CCDC77: variants seen among roughly 807,000 people sequenced by gnomAD.
The protein encoded by CCDC77 is coiled-coil domain-containing protein 77.
CCDC77 carries 56 observed loss-of-function variants against 66.8 expected under a neutral mutation model. The observed-to-expected ratio is 0.84, with a 90% CI of 0.68 to 1.05. CCDC77 has a LOEUF of 1.05. CCDC77 is among the 50% of genes least tolerant of loss of function. The pLI is 0.00. For missense variants in CCDC77, 570 were observed against 576.8 expected, an observed-to-expected ratio of 0.99 and a Z score of 0.12; for synonymous variants, 196 against 195.2, an observed-to-expected ratio of 1.00 and a Z score of -0.03.
intron 10 of CCDC77, among the ~76,000 whole-genome samples, chr12:439,231 T>C (rs1219974179): frequency 6.6e-6 from 1 of 151,970 alleles, no homozygotes; most frequent in Non-Finnish European, 1.5e-5. Context: ...AAGAAAATTA[T>C]AGATTAGGCC....
chr12:415,526 A>AATTATTAACATAATAATATGTTGAT (rs1215289127), intron 4 of CCDC77, among the ~76,000 whole-genome samples: 1 of 147,680 alleles, frequency 6.8e-6, no homozygotes, highest in African/African-American at 2.5e-5. Flanking sequence ...ATATTAACAT[A>AATTATTAACATAATAATATGTTGAT]ATTATTAACA....
At chr12:394,028 G>A (rs1292043508) in intron 1 of CCDC77, among the ~76,000 whole-genome samples, 1 of 152,170 alleles carries the variant, frequency 6.6e-6, no homozygotes, top group East Asian at 1.9e-4. Flanking sequence ...AACTCATGAT[G>A]ACAGAAACAA....
intron 3 of CCDC77, among the ~76,000 whole-genome samples, chr12:411,196 A>G (rs1945101991): frequency 2.0e-5 from 3 of 149,580 alleles, no homozygotes; most frequent in African/African-American, 7.4e-5. Context: ...TTTTTTTGAG[A>G]TAGAGTCTCG....
chr12:423,094 CTT>C (rs796102854), intron 5 of CCDC77, among the ~76,000 whole-genome samples: 2 of 89,260 alleles, frequency 2.2e-5, no homozygotes, highest in Admixed American at 1.1e-4. Context: ...CTGTTATTTT[CTT>C]TTTTTTTTCT....
chr12:411,625 C>T (rs147207506), intron 3 of CCDC77, 122 bp from the exon 4 acceptor site: 43 of 837,620 alleles, frequency 5.1e-5, no homozygotes, highest in African/African-American at 4.9e-4. Context: ...TCCAAACTTC[C>T]AAATTTATGA....
intron 1 of CCDC77, among the ~76,000 whole-genome samples, chr12:390,736 AACACACACAC>A (rs58938735): frequency 6.7e-6 from 1 of 149,350 alleles, no homozygotes; most frequent in Non-Finnish European, 1.5e-5. Flanking sequence ...TATCTTTATA[AACACACACAC>A]ACACACACAC....
upstream of CCDC77, among the ~76,000 whole-genome samples, chr12:400,137 C>T (rs950047905): frequency 6.6e-6 from 1 of 152,234 alleles, no homozygotes; most frequent in African/African-American, 2.4e-5. Context: ...CACGAACCAG[C>T]CTCCGCTATC....
Position 405,574 on chromosome 12 carries a change from G to A in CCDC77, c.-17+10G>A, listed in dbSNP as rs994339578. 6.6e-6 allele frequency: 1 copy of A among 152,168 alleles called. No homozygotes were observed. Among genetic ancestry groups the A allele is most frequent in the Non-Finnish European group, 1.5e-5 (1 of 68,034 alleles). 9.4% of individuals were successfully genotyped at this position (152,168 alleles called of 1,614,324 possible). A position where few individuals can be genotyped will look rare whatever the true frequency, so the allele number is the denominator to read the frequency against. ...CGTATTTTGGAAGGAGGTGAGTTTG[G>A]AGGAGGAGAGTAGTCTTTTAAAGGA... On this transcript the variant is annotated intron_variant, in intron 2 of 12. Transcript: ENST00000239830.
At chr12:431,798 C>A in intron 7 of CCDC77, 68 bp from the exon 8 acceptor site, 1 of 991,844 alleles carries the variant, frequency 1.0e-6, no homozygotes, top group South Asian at 1.4e-5. Context: ...GTGGGAAATA[C>A]TGATATTTCA....
At chr12:404,592 G>A (rs1283070768) in intron 1 of CCDC77, among the ~76,000 whole-genome samples, 1 of 152,140 alleles carries the variant, frequency 6.6e-6, no homozygotes, top group Non-Finnish European at 1.5e-5. Flanking sequence ...ACATAGCAAG[G>A]CCCCGTCTTG....
chr12:393,102 A>T (rs1195268830), intron 1 of CCDC77, among the ~76,000 whole-genome samples: 2 of 152,082 alleles, frequency 1.3e-5, no homozygotes, highest in African/African-American at 2.4e-5. Flanking sequence ...GGAAAGGAAG[A>T]GCATTTTATT....
chr12:390,790 C>G (rs1333137924), intron 1 of CCDC77, among the ~76,000 whole-genome samples: 1 of 150,884 alleles, frequency 6.6e-6, no homozygotes, highest in East Asian at 1.9e-4. Flanking sequence ...TCTGGAGAAC[C>G]GTGAATACAT....
intron 1 of CCDC77, among the ~76,000 whole-genome samples, chr12:391,962 C>T (rs540034243): frequency 6.6e-6 from 1 of 152,306 alleles, no homozygotes; most frequent in South Asian, 2.1e-4. Context: ...GGCACATGAA[C>T]CCCACTCCCA....
upstream of CCDC77, among the ~76,000 whole-genome samples, chr12:400,291 A>G (rs888952324): frequency 2.6e-5 from 4 of 152,322 alleles, no homozygotes; most frequent in Non-Finnish European, 5.9e-5. Context: ...AACTTTCTCT[A>G]TATCAGCAAT....
intron 4 of CCDC77, among the ~76,000 whole-genome samples, chr12:416,336 T>G (rs112344250): frequency 4.7e-5 from 2 of 42,530 alleles, no homozygotes; most frequent in East Asian, 1.5e-3. Flanking sequence ...AGTCTGTGGG[T>G]GTGTGGGGGT....
At chr12:438,735 A>G in intron 10 of CCDC77, 181 bp downstream of exon 10, 1 of 538,994 alleles carries the variant, frequency 1.9e-6, no homozygotes, top group Non-Finnish European at 3.3e-6. Context: ...TCAAAATATT[A>G]GACTTGTTGA....
rs532226678 is a variant in CCDC77 at position 440,639 on chromosome 12, A to C, written c.1064A>C (p.Gln355Pro). The C allele has an allele frequency of 8.8e-5, 142 of 1,614,078 alleles. No individual in the cohort carries two copies. The highest frequency in any genetic ancestry group is 1.1e-4 in the Non-Finnish European group (126 of 1,180,030). The change falls in exon 11 of 13, where the codon CAA becomes CCA. Residue 355 changes from glutamine (Q) to proline (P), a missense_variant. Physicochemically the swap from Gln to Pro is moderately conservative, Grantham distance 76. Transcript: ENST00000239830. ...YIKSLKDKLV[Q>P]EKKLSNMYQE... ...TAGTCCCTAAAAGATAAGTTAGTAC[A>C]AGAGAAAAAGCTGTCCAATATGTAC...
chr12:398,766 T>C (rs1397058822), upstream of CCDC77, among the ~76,000 whole-genome samples: 1 of 145,250 alleles, frequency 6.9e-6, no homozygotes, highest in Non-Finnish European at 1.5e-5. Flanking sequence ...ATATTTTTAC[T>C]TTTTTTTTTT....
At chr12:408,177 C>T (rs1014293084) in intron 2 of CCDC77, among the ~76,000 whole-genome samples, 1 of 152,024 alleles carries the variant, frequency 6.6e-6, no homozygotes, top group East Asian at 1.9e-4. Context: ...GGATTGACAG[C>T]GAATGCTTGA....
Sources: gnomAD v4.1 joint callset for allele counts (sites outside exome capture counted in the v4.1 genomes callset) on GRCh38, gnomAD v4.1.1 for gene constraint, MANE v1.5 for transcripts, NCBI Gene and HGNC (gene_info 2026-07-23, HGNC 2026-07-21) for gene names.